The following GSDME variants were observed in gnomAD, a reference collection of about 807,000 sequenced individuals.
The protein encoded by GSDME is gasdermin-E.
A neutral mutation model predicts 47.5 loss-of-function variants in GSDME; 44 were observed. That is an observed-to-expected ratio of 0.93 (90% CI 0.73 to 1.19). The LOEUF (loss-of-function observed/expected upper bound fraction) is 1.19, where lower values mean the gene tolerates loss of function less well. Among genes scored for constraint, GSDME ranks in the 50% most tolerant of loss-of-function variants. The probability of loss-of-function intolerance (pLI) is 0.00; values close to 1 mark genes in which losing one functional copy is unlikely to be tolerated. For synonymous variants in GSDME, 258 were observed against 252.8 expected, an observed-to-expected ratio of 1.02 and a Z score of -0.20; for missense variants, 663 against 604.2, an observed-to-expected ratio of 1.10 and a Z score of -1.02.
intron 8 of GSDME, 73 bp downstream of exon 8, chr7:24,706,111 C>G: frequency 6.4e-6 from 10 of 1,559,616 alleles, no homozygotes; most frequent in Non-Finnish European, 8.8e-6. Flanking sequence ...CTCTGTGTCC[C>G]CAGAAGCATA....
chr7:24,793,594 T>A, the GSDME span, among the ~76,000 whole-genome samples: 2 of 152,196 alleles, frequency 1.3e-5, no homozygotes, highest in African/African-American at 4.8e-5. Flanking sequence ...ATACAACATT[T>A]CTTGCATAAA....
Position 24,705,998 on chromosome 7 carries a change from A to ACTTCG in GSDME, c.1183+185_1183+186insCGAAG. ...AGGCTTGTGCTGGATGGAAAGGCACAGACTCGAGACCGAAGGGGGGTTTCC... is the reference window on the plus strand; with the variant it reads ...AGGCTTGTGCTGGATGGAAAGGCACACTTCGGACTCGAGACCGAAGGGGGGTTTCC... On this transcript the variant is annotated intron_variant, in intron 8 of 9. Transcript: ENST00000645220. This position sits in a 1 kb window ranked among gnomAD's most constrained non-coding sequence, Gnocchi z 4.1. The ACTTCG allele has an allele frequency of 1.4e-6, 1 of 722,342 alleles. No individual in the cohort carries two copies. Among genetic ancestry groups the ACTTCG allele is most frequent in the Non-Finnish European group, 2.4e-6 (1 of 422,522 alleles). 44.7% of individuals were successfully genotyped at this position (722,342 alleles called of 1,614,324 possible).
At chr7:24,747,123 G>A (rs1183812782) in intron 2 of GSDME, among the ~76,000 whole-genome samples, 1 of 152,108 alleles carries the variant, frequency 6.6e-6, no homozygotes, top group Admixed American at 6.5e-5. Flanking sequence ...ATCACAGAAC[G>A]GTAAAACTCC....
chr7:24,789,459 C>T, the GSDME span, among the ~76,000 whole-genome samples: 573 of 152,204 alleles, frequency 3.8e-3, 4 homozygotes, highest in Middle Eastern at 0.014. Flanking sequence ...GTGAGCAGGT[C>T]GTGATCAATT....
intron 8 of GSDME, 58 bp from the exon 9 acceptor site, chr7:24,702,891 C>G: frequency 6.8e-7 from 1 of 1,470,986 alleles, no homozygotes; most frequent in Admixed American, 1.7e-5. Context: ...GGGAACAGAG[C>G]CAGCCCCTGG....
the GSDME span, among the ~76,000 whole-genome samples, chr7:24,787,032 G>A: frequency 5.3e-5 from 8 of 152,176 alleles, no homozygotes; most frequent in African/African-American, 1.9e-4. The surrounding 1 kb of genome is among the most constrained non-coding windows in gnomAD (Gnocchi z 5.0). Flanking sequence ...CCTTGGGCAT[G>A]ATTTCCTTGG....
In GSDME at chr7:24,732,430, A is replaced by G. The variant is rs188387949; in HGVS notation, c.404+12132T>C. On this transcript the variant is annotated intron_variant, in intron 3 of 9. Transcript: ENST00000645220. The surrounding 1 kb of genome is among the most constrained non-coding windows in gnomAD (Gnocchi z 4.8). ...TTCTCCCCACAGGAACACCAAAGTC[A>G]ACAACTATCTATATAAAAAAGCACC... 1.6e-4 allele frequency among the ~76,000 whole-genome samples: 25 copies of G among 152,362 alleles called. No individual in the cohort carries two copies. Among genetic ancestry groups the G allele is most frequent in the Admixed American group, 1.6e-3 (24 of 15,312 alleles).
At chr7:24,708,976 T>G (rs1789238360) in intron 6 of GSDME, among the ~76,000 whole-genome samples, 1 of 152,208 alleles carries the variant, frequency 6.6e-6, no homozygotes, top group Non-Finnish European at 1.5e-5. Context: ...AGATTTTATT[T>G]TTAAAGATTT....
rs147949361 is a variant in GSDME, at chr7:24,733,688, T to C, written c.404+10874A>G. Among the ~76,000 whole-genome samples, 65 of 152,268 alleles carry C rather than the reference T, an allele frequency of 4.3e-4. No individual in the cohort carries two copies. The East Asian group carries it at 0.012, about 29-fold the overall frequency. On this transcript the variant is annotated intron_variant, in intron 3 of 9. Coordinates refer to ENST00000645220, the MANE Select transcript of GSDME (RefSeq NM_001127453.2). The surrounding 1 kb of genome is among the most constrained non-coding windows in gnomAD (Gnocchi z 4.3). ...TGCTGGTGGACATGGGTGAGAGTCCTCTGCCTGGGGAAAGGAGAGGGAAGA... is the reference window on the plus strand; with the variant it reads ...TGCTGGTGGACATGGGTGAGAGTCCCCTGCCTGGGGAAAGGAGAGGGAAGA...
the GSDME span, among the ~76,000 whole-genome samples, chr7:24,768,319 T>C: frequency 1.3e-5 from 2 of 151,996 alleles, no homozygotes; most frequent in East Asian, 3.9e-4. The surrounding 1 kb of genome is among the most constrained non-coding windows in gnomAD (Gnocchi z 5.6). Flanking sequence ...AGATTTAGCA[T>C]AGGGGGAGAG....
At chr7:24,777,975 C>G in the GSDME span, among the ~76,000 whole-genome samples, 3 of 151,458 alleles carry the variant, frequency 2.0e-5, no homozygotes, top group Non-Finnish European at 4.4e-5. Flanking sequence ...ATATTGTGCC[C>G]TTGAATCCAC....
rs183683234 is a variant in GSDME, at chr7:24,738,547, C to G, written c.404+6015G>C. Among the ~76,000 whole-genome samples the G allele has an allele frequency of 5.3e-5, 8 of 152,192 alleles. No homozygotes were observed. In the East Asian group the frequency reaches 1.5e-3, roughly 29 times the overall value. On this transcript the variant is annotated intron_variant, in intron 3 of 9. Coordinates refer to ENST00000645220, the MANE Select transcript of GSDME (RefSeq NM_001127453.2). ...ATATTGTTAAAATGTCCATACTACTCAAAGTAATCTATACTTTGTAGAGAT... is the reference window on the plus strand; with the variant it reads ...ATATTGTTAAAATGTCCATACTACTGAAAGTAATCTATACTTTGTAGAGAT...
intron 1 of GSDME, among the ~76,000 whole-genome samples, chr7:24,751,959 G>A (rs182028369): frequency 6.6e-6 from 1 of 152,296 alleles, no homozygotes; most frequent in South Asian, 2.1e-4. Context: ...CAAGAAAAAG[G>A]CATCTAAATC....
chr7:24,741,507 C>G (rs377092414), intron 3 of GSDME, among the ~76,000 whole-genome samples: 1 of 152,116 alleles, frequency 6.6e-6, no homozygotes, highest in Non-Finnish European at 1.5e-5. Flanking sequence ...TGTGGAATGC[C>G]TTCCTGCCCA....
chr7:24,763,179 A>G, the GSDME span, among the ~76,000 whole-genome samples: 1 of 152,122 alleles, frequency 6.6e-6, no homozygotes, highest in Admixed American at 6.6e-5. This position sits in a 1 kb window ranked among gnomAD's most constrained non-coding sequence, Gnocchi z 4.3. Flanking sequence ...CGGCCATAAC[A>G]TTTGCAGTTC....
At chr7:24,774,005 T>C in the GSDME span, among the ~76,000 whole-genome samples, 1 of 152,220 alleles carries the variant, frequency 6.6e-6, no homozygotes, top group Non-Finnish European at 1.5e-5. Context: ...ATCTAGAATA[T>C]AAAAACATTT....
the GSDME span, among the ~76,000 whole-genome samples, chr7:24,794,835 C>G: frequency 2.6e-5 from 4 of 152,326 alleles, no homozygotes; most frequent in African/African-American, 9.6e-5. Context: ...AAGTCACTCA[C>G]TCCCCCAGCA....
upstream of GSDME, among the ~76,000 whole-genome samples, chr7:24,759,985 A>G (rs911948969): frequency 3.3e-5 from 5 of 152,272 alleles, no homozygotes; most frequent in African/African-American, 1.2e-4. Context: ...GTAAATAAAA[A>G]GAAAACGTGG....
intron 8 of GSDME, chr7:24,704,692 TG>T (rs1789021277): frequency 6.6e-6 from 1 of 151,708 alleles, no homozygotes; most frequent in African/African-American, 2.4e-5. Flanking sequence ...GTCAACTGCG[TG>T]GCCTGCTGCC....
Sources: allele counts gnomAD v4.1 joint callset (sites outside exome capture counted in the v4.1 genomes callset), GRCh38; gene constraint gnomAD v4.1.1; non-coding constraint Gnocchi (gnomAD v3.1); transcripts MANE v1.5; gene names NCBI Gene and HGNC (gene_info 2026-07-23, HGNC 2026-07-21).